The following DNAH9 variants were observed in gnomAD, a reference collection of about 807,000 sequenced individuals.
The protein encoded by DNAH9 is DNAH9 variant protein.
A neutral mutation model predicts 471.6 loss-of-function variants in DNAH9; 345 were observed. The observed-to-expected ratio is 0.73, with a 90% CI of 0.67 to 0.80. DNAH9 has a LOEUF of 0.80. Among genes scored for constraint, DNAH9 ranks in the 30% least tolerant of loss-of-function variants. DNAH9 has a pLI of 0.00. For missense variants in DNAH9, 5,407 were observed against 5,609.2 expected (o/e 0.96, Z 1.15); for synonymous variants, 2,093 against 2,123.6 (o/e 0.99, Z 0.40).
intron 50 of DNAH9, among the ~76,000 whole-genome samples, chr17:11,861,368 G>T (rs968850315): frequency 4.0e-5 from 6 of 150,490 alleles, no homozygotes; most frequent in African/African-American, 1.5e-4. Flanking sequence ...CATTTTTTAT[G>T]GCTGCATAGT....
intron 14 of DNAH9, among the ~76,000 whole-genome samples, chr17:11,658,158 C>T (rs988649188): frequency 1.3e-5 from 2 of 152,078 alleles, no homozygotes; most frequent in African/African-American, 4.8e-5. Flanking sequence ...ATGAACCCGG[C>T]ATATCTCTTC....
intron 8 of DNAH9, among the ~76,000 whole-genome samples, chr17:11,633,778 A>G (rs1027410201): frequency 6.6e-6 from 1 of 152,216 alleles, no homozygotes; most frequent in African/African-American, 2.4e-5. Flanking sequence ...GGATGCCCAG[A>G]CCTACACATC....
rs12604013 is a variant in DNAH9 at position 11,598,497 on chromosome 17, C to T, written c.-2C>T. On this transcript the variant is annotated 5_prime_UTR_variant, in exon 1 of 69. Transcript: ENST00000262442. Reference sequence around the variant, plus strand: ...AACCGATGCAGCTGGAGGCCGCGCGCGATGCGGCTCGCGGAGGAGCGGGCC... The same window carrying T: ...AACCGATGCAGCTGGAGGCCGCGCGTGATGCGGCTCGCGGAGGAGCGGGCC... The T allele has an allele frequency of 3.3e-3, 4,573 of 1,366,578 alleles. 193 individuals are homozygous for T. In the East Asian group the frequency reaches 0.09, roughly 27 times the overall value. The allele number at this position is 1,366,578 out of a possible 1,614,324, so 84.7% of individuals were successfully genotyped here. A position where few individuals can be genotyped will look rare whatever the true frequency, so the allele number is the denominator to read the frequency against.
At position 11,762,770 on chromosome 17, in the gene DNAH9, G is replaced by GTTT. The variant is rs563544881; in HGVS notation, c.6996-645_6996-643dup. ...CCTCTTTAGGTGCGTTTTTTTTTTT[G>GTTT]TTTTTTTTTTTTTTTTTTTTTTTTT... is the stretch of plus-strand genomic sequence containing the variant. On this transcript the variant is annotated intron_variant, in intron 35 of 68. Coordinates refer to ENST00000262442, the MANE Select transcript of DNAH9 (RefSeq NM_001372.4). Among the ~76,000 whole-genome samples, 172 of 90,758 alleles carry GTTT rather than the reference G, an allele frequency of 1.9e-3. 18 individuals are homozygous for GTTT. Among genetic ancestry groups the GTTT allele is most frequent in the East Asian group, 5.9e-3 (18 of 3,028 alleles). 59.5% of individuals were successfully genotyped at this position (90,758 alleles called of 152,430 possible). A position where few individuals can be genotyped will look rare whatever the true frequency, so the allele number is the denominator to read the frequency against.
chr17:11,819,521 G>T (rs987965707), intron 45 of DNAH9, among the ~76,000 whole-genome samples: 1 of 151,934 alleles, frequency 6.6e-6, no homozygotes, highest in Non-Finnish European at 1.5e-5. Flanking sequence ...GGGTTCAAGC[G>T]ATTCTTCTGT....
intron 5 of DNAH9, among the ~76,000 whole-genome samples, chr17:11,618,046 C>T (rs1396580848): frequency 6.6e-6 from 1 of 152,228 alleles, no homozygotes; most frequent in Non-Finnish European, 1.5e-5. Context: ...GGACAAATCA[C>T]TTCCTGTTCT....
chr17:11,664,978 G>A lies in DNAH9; in HGVS notation c.2731+10G>A, dbSNP rs201516745. On this transcript the variant is annotated intron_variant, in intron 15 of 68. Coordinates refer to ENST00000262442, the MANE Select transcript of DNAH9 (RefSeq NM_001372.4). ...CTTCTGGAAAATACTGGTACTTACT[G>A]GCTTATGGATGTGGGTTATTATTGG... The A allele has an allele frequency of 3.1e-6, 5 of 1,608,790 alleles. No homozygotes were observed. The highest frequency in any genetic ancestry group is 4.2e-6 in the Non-Finnish European group (5 of 1,177,414).
chr17:11,615,732 TAG>T (rs1386413843), intron 4 of DNAH9, among the ~76,000 whole-genome samples: 1 of 152,170 alleles, frequency 6.6e-6, no homozygotes, highest in African/African-American at 2.4e-5. Context: ...CAATGCTAAT[TAG>T]TATAATTAAA....
intron 49 of DNAH9, among the ~76,000 whole-genome samples, chr17:11,837,179 A>AATTG (rs1329249962): frequency 2.0e-5 from 3 of 152,224 alleles, no homozygotes; most frequent in Non-Finnish European, 2.9e-5. Context: ...TAATTTGATT[A>AATTG]ATTGATAGAT....
chr17:11,858,044 T>C (rs1971688792), intron 50 of DNAH9, among the ~76,000 whole-genome samples: 1 of 152,212 alleles, frequency 6.6e-6, no homozygotes, highest in Non-Finnish European at 1.5e-5. Context: ...TAATACAGAA[T>C]GGAAACACAC....
chr17:11,738,958 T>G lies in DNAH9; in HGVS notation c.5893T>G (p.Ser1965Ala). The change falls in exon 29 of 69, where the codon TCT (serine) becomes GCT (alanine). Residue 1965 changes from serine to alanine, a missense_variant. This residue lies in a region of DNAH9 where 4,636 missense variants were observed against 4,900.3 expected (regional missense o/e 0.95). Transcript: ENST00000262442. ...TGGGGAGGAGATCAGCCTGAATCCT[T>G]CTGTCGGTATCTTCATCACCATGAA... ...FLGEEISLNP[S>A]VGIFITMNPG... 6.2e-7 allele frequency: 1 copy of G among 1,614,092 alleles called. No individual in the cohort carries two copies. Among genetic ancestry groups the G allele is most frequent in the South Asian group, 1.1e-5 (1 of 91,084 alleles).
At chr17:11,672,108 T>C (rs970351898) in intron 17 of DNAH9, among the ~76,000 whole-genome samples, 2 of 152,246 alleles carry the variant, frequency 1.3e-5, no homozygotes, top group South Asian at 4.1e-4. Context: ...GATTTCCACC[T>C]TTCCTTAATA....
chr17:11,692,190 C>T (rs995297364), intron 20 of DNAH9, among the ~76,000 whole-genome samples: 2 of 148,156 alleles, frequency 1.3e-5, no homozygotes, highest in Middle Eastern at 3.5e-3. Context: ...CATTCTCTCA[C>T]TTGCAGCTGT....
At chr17:11,781,271 A>G in intron 39 of DNAH9, 97 bp downstream of exon 39, 1 of 1,311,358 alleles carries the variant, frequency 7.6e-7, no homozygotes, top group Non-Finnish European at 1.0e-6. Context: ...AAACCTCAGC[A>G]TAGCTCTGGT....
intron 45 of DNAH9, among the ~76,000 whole-genome samples, chr17:11,812,379 C>G (rs192139098): frequency 6.6e-6 from 1 of 151,760 alleles, no homozygotes; most frequent in African/African-American, 2.4e-5. Flanking sequence ...TCTCCATAGT[C>G]TATCTAGTAT....
intron 27 of DNAH9, among the ~76,000 whole-genome samples, chr17:11,720,900 A>T (rs2075045238): frequency 6.6e-6 from 1 of 152,200 alleles, no homozygotes. Context: ...GTCAGGCTGG[A>T]ACAGAAAGGT....
At chr17:11,809,120 A>C (rs1034763256) in intron 44 of DNAH9, among the ~76,000 whole-genome samples, 5 of 152,194 alleles carry the variant, frequency 3.3e-5, no homozygotes, top group Admixed American at 1.3e-4. Context: ...AAGCTGGATA[A>C]GTTCAGAACT....
At chr17:11,673,873 C>A (rs1456275761) in intron 17 of DNAH9, among the ~76,000 whole-genome samples, 1 of 152,074 alleles carries the variant, frequency 6.6e-6, no homozygotes, top group Admixed American at 6.5e-5. Flanking sequence ...GATATATACA[C>A]ATGTGTATGC....
chr17:11,721,381 G>A (rs1413390247), intron 27 of DNAH9, among the ~76,000 whole-genome samples: 1 of 152,038 alleles, frequency 6.6e-6, no homozygotes, highest in Admixed American at 6.5e-5. Flanking sequence ...AATAAGCATA[G>A]CCACAGTGAA....
Sources: allele counts gnomAD v4.1 joint callset (sites outside exome capture counted in the v4.1 genomes callset), GRCh38; gene constraint gnomAD v4.1.1; regional missense constraint gnomAD v4.1.1; transcripts MANE v1.5; gene names NCBI Gene and HGNC (gene_info 2026-07-23, HGNC 2026-07-21).